Variants in RALGPS1 observed in about 807,000 individuals in gnomAD.
RALGPS1 encodes the protein Ral GEF with PH domain and SH3 binding motif 1, also known as ras-specific guanine nucleotide-releasing factor RalGPS1.
A neutral mutation model predicts 78.8 loss-of-function variants in RALGPS1; 19 were observed. The observed-to-expected ratio is 0.24, with a 90% CI of 0.17 to 0.35. The LOEUF (loss-of-function observed/expected upper bound fraction) is 0.35. RALGPS1 is among the 10% of genes least tolerant of loss of function. The probability of loss-of-function intolerance (pLI) is 1.00; values close to 1 mark genes in which losing one functional copy is unlikely to be tolerated. For synonymous variants in RALGPS1, 228 were observed against 256.3 expected (o/e 0.89, Z 1.06); for missense variants, 454 against 688.3 (o/e 0.66, Z 3.81).
At chr9:126,951,851 A>G (rs975518880) in intron 1 of RALGPS1, among the ~76,000 whole-genome samples, 1 of 152,194 alleles carries the variant, frequency 6.6e-6, no homozygotes, top group African/African-American at 2.4e-5. Flanking sequence ...AATAAAGGGT[A>G]TTCAATTAGG....
chr9:127,150,754 G>T (rs374463285), intron 8 of RALGPS1, among the ~76,000 whole-genome samples: 1 of 152,220 alleles, frequency 6.6e-6, no homozygotes, highest in Non-Finnish European at 1.5e-5. Flanking sequence ...GAGCTCACCA[G>T]ATGGGATGCA....
chr9:127,178,397 G>A (rs1246277667), intron 11 of RALGPS1: 3 of 920,272 alleles, frequency 3.3e-6, no homozygotes, highest in Non-Finnish European at 4.0e-6. Context: ...GTCTCTATCT[G>A]TAAAGTGGGC....
intron 3 of RALGPS1, among the ~76,000 whole-genome samples, chr9:126,967,027 C>G (rs931804133): frequency 6.6e-6 from 1 of 152,138 alleles, no homozygotes; most frequent in African/African-American, 2.4e-5. Context: ...CCCACGTCTC[C>G]TCTACCCTCT....
intron 1 of RALGPS1, among the ~76,000 whole-genome samples, chr9:126,943,031 T>C (rs2036930174): frequency 1.3e-5 from 2 of 152,238 alleles, no homozygotes; most frequent in African/African-American, 4.8e-5. Context: ...ATATCATTCA[T>C]AGATTTCTCT....
intron 8 of RALGPS1, among the ~76,000 whole-genome samples, chr9:127,105,552 C>T (rs2054137571): frequency 1.3e-5 from 2 of 152,226 alleles, no homozygotes; most frequent in African/African-American, 4.8e-5. Flanking sequence ...TCTATCTAAT[C>T]TCTCCCTTCC....
chr9:127,122,983 C>G lies in RALGPS1; in HGVS notation c.611-43086C>G, dbSNP rs1271612999. 6.6e-6 allele frequency: 1 copy of G among 152,400 alleles called. No homozygotes were observed. Among genetic ancestry groups the G allele is most frequent in the Non-Finnish European group, 1.5e-5 (1 of 68,166 alleles). The allele number at this position is 152,400 out of a possible 1,614,324, so 9.4% of individuals were successfully genotyped here. On this transcript the variant is annotated intron_variant, in intron 8 of 18. Coordinates refer to ENST00000259351, the MANE Select transcript of RALGPS1 (RefSeq NM_014636.3). This position sits in a 1 kb window ranked among gnomAD's most constrained non-coding sequence, Gnocchi z 6.4. ...CGCGTGCTGCGAGGCGGAGCGCTTC[C>G]CCTTTGACTCAGGGAATGGGTTTAG... is the stretch of plus-strand genomic sequence containing the variant.
chr9:127,069,325 C>G lies in RALGPS1; in HGVS notation c.579C>G (p.Ser193Arg). The G allele has an allele frequency of 3.1e-6, 5 of 1,613,974 alleles. No homozygotes were observed. Among genetic ancestry groups the G allele is most frequent in the Middle Eastern group, 1.6e-4 (1 of 6,062 alleles). Residue 193 changes from serine to arginine, a missense_variant, in exon 8 of 19, where the codon AGC becomes AGG. By Grantham distance (110) the Ser-to-Arg change is moderately radical. Coordinates refer to ENST00000259351, the MANE Select transcript of RALGPS1 (RefSeq NM_014636.3). ...NYKRTREYIR[S>R]LKMVPSIPYL... ...AGCGGACACGGGAATATATCCGAAGCCTGAAGATGGTTCCAAGTATTCCCT... is the reference window on the plus strand; with the variant it reads ...AGCGGACACGGGAATATATCCGAAGGCTGAAGATGGTTCCAAGTATTCCCT...
intron 4 of RALGPS1, among the ~76,000 whole-genome samples, chr9:127,029,485 C>T (rs1275107835): frequency 6.6e-6 from 1 of 151,870 alleles, no homozygotes; most frequent in African/African-American, 2.4e-5. Context: ...GTGGGAGAAA[C>T]ATGGAGGGAG....
chr9:127,209,194 C>T (rs914381689), intron 14 of RALGPS1, among the ~76,000 whole-genome samples: 5 of 152,228 alleles, frequency 3.3e-5, no homozygotes, highest in East Asian at 1.9e-4. Context: ...AAGAAAGCCC[C>T]GGGGCTGGAA....
chr9:127,141,449 G>C (rs1029355266), intron 8 of RALGPS1, among the ~76,000 whole-genome samples: 3 of 151,954 alleles, frequency 2.0e-5, no homozygotes, highest in African/African-American at 7.3e-5. Context: ...CACCCTTGGG[G>C]GTTTCCAGCT....
At chr9:127,202,836 A>G (rs889485851) in intron 14 of RALGPS1, among the ~76,000 whole-genome samples, 9 of 151,996 alleles carry the variant, frequency 5.9e-5, no homozygotes, top group African/African-American at 1.7e-4. Flanking sequence ...TGCCGGGGAG[A>G]GTAGGGGCGA....
intron 4 of RALGPS1, among the ~76,000 whole-genome samples, chr9:127,000,555 T>TTTTTTTTTTTTTTTTTTTTTTTTC: frequency 7.8e-6 from 1 of 128,406 alleles, no homozygotes; most frequent in Non-Finnish European, 1.7e-5. Flanking sequence ...TTTTTTTTTT[T>TTTTTTTTTTTTTTTTTTTTTTTTC]TTTTTTTTTT....
intron 4 of RALGPS1, among the ~76,000 whole-genome samples, chr9:127,011,439 T>C (rs1369348402): frequency 6.6e-6 from 1 of 152,096 alleles, no homozygotes. Context: ...TGGACTCCCG[T>C]AGTGCTGGGA....
chr9:127,161,418 A>G (rs2059010545), intron 8 of RALGPS1, among the ~76,000 whole-genome samples: 1 of 152,258 alleles, frequency 6.6e-6, no homozygotes, highest in African/African-American at 2.4e-5. Context: ...AGGCTTGCCT[A>G]AGGCCACCCA....
At chr9:127,165,385 C>T (rs1337128564) in intron 8 of RALGPS1, among the ~76,000 whole-genome samples, 1 of 152,274 alleles carries the variant, frequency 6.6e-6, no homozygotes, top group Admixed American at 6.5e-5. Context: ...ATCCCCCCGG[C>T]TTATCACTGG....
At chr9:127,126,372 C>T (rs900280157) in intron 8 of RALGPS1, among the ~76,000 whole-genome samples, 3 of 152,000 alleles carry the variant, frequency 2.0e-5, no homozygotes, top group African/African-American at 7.3e-5. Context: ...GCCTTTATTC[C>T]ATGTGGGTTT....
At chr9:127,197,794 G>A (rs371197199) in intron 13 of RALGPS1, among the ~76,000 whole-genome samples, 26 of 152,318 alleles carry the variant, frequency 1.7e-4, no homozygotes, top group African/African-American at 6.3e-4. Context: ...TTGAGCAAAG[G>A]TGTGCAGGTT....
intron 14 of RALGPS1, among the ~76,000 whole-genome samples, chr9:127,201,620 C>T (rs1458633150): frequency 6.6e-6 from 1 of 152,208 alleles, no homozygotes; most frequent in African/African-American, 2.4e-5. Context: ...GCCTGTGGCT[C>T]TCTTCTTTCA....
intron 8 of RALGPS1, among the ~76,000 whole-genome samples, chr9:127,120,923 C>T (rs1229889947): frequency 1.3e-5 from 2 of 152,072 alleles, no homozygotes; most frequent in Admixed American, 1.3e-4. Context: ...CCAAGGTTTG[C>T]TCAGGGTTTG....
Sources: allele counts gnomAD v4.1 joint callset (sites outside exome capture counted in the v4.1 genomes callset), GRCh38; gene constraint gnomAD v4.1.1; non-coding constraint Gnocchi (gnomAD v3.1); transcripts MANE v1.5; gene names NCBI Gene and HGNC (gene_info 2026-07-23, HGNC 2026-07-21).